The following MYO3B variants were observed in gnomAD, a reference collection of about 807,000 sequenced individuals.
MYO3B encodes myosin-IIIb.
A neutral mutation model predicts 174.6 loss-of-function variants in MYO3B; 156 were observed. That is an observed-to-expected ratio of 0.89 (90% CI 0.78 to 1.02). MYO3B has a LOEUF of 1.02. MYO3B is among the 50% of genes least tolerant of loss of function. MYO3B has a pLI of 0.00. For synonymous variants in MYO3B, 563 were observed against 569.1 expected, an observed-to-expected ratio of 0.99 and a Z score of 0.15; for missense variants, 1,632 against 1,639.4, an observed-to-expected ratio of 1.00 and a Z score of 0.08.
intron 25 of MYO3B, among the ~76,000 whole-genome samples, chr2:170,484,486 T>A (rs1171985869): frequency 6.6e-6 from 1 of 152,220 alleles, no homozygotes; most frequent in Non-Finnish European, 1.5e-5. Flanking sequence ...CAATTTCCAA[T>A]TCCCAGTGTC....
chr2:170,331,597 A>G (rs1361884341), intron 7 of MYO3B, among the ~76,000 whole-genome samples: 3 of 152,118 alleles, frequency 2.0e-5, no homozygotes, highest in Non-Finnish European at 2.9e-5. Flanking sequence ...TTGTTATCTT[A>G]TGGTTCTTTA....
intron 32 of MYO3B, among the ~76,000 whole-genome samples, chr2:170,573,898 G>A (rs1249197951): frequency 6.6e-6 from 1 of 152,140 alleles, no homozygotes. Flanking sequence ...TAAGTTTGAA[G>A]TTCCTTTAAA....
In MYO3B at chr2:170,316,733, C is replaced by T. The variant is rs188161834; in HGVS notation, c.750-18652C>T. On this transcript the variant is annotated intron_variant, in intron 7 of 34. Coordinates refer to ENST00000408978, the MANE Select transcript of MYO3B (RefSeq NM_138995.5). Reference sequence around the variant, plus strand: ...AAAATCACAGTATCTATAACTCAGTCGATAGTTATGGTCACATTCTAATTC... The same window carrying T: ...AAAATCACAGTATCTATAACTCAGTTGATAGTTATGGTCACATTCTAATTC... Among the ~76,000 whole-genome samples, 26 of 152,294 alleles carry T rather than the reference C, an allele frequency of 1.7e-4. No individual in the cohort carries two copies. The East Asian group carries it at 4.4e-3, about 26-fold the overall frequency.
At chr2:170,292,669 C>G (rs773259971) in intron 7 of MYO3B, among the ~76,000 whole-genome samples, 1 of 152,150 alleles carries the variant, frequency 6.6e-6, no homozygotes, top group Non-Finnish European at 1.5e-5. Context: ...TGAGCCCTGC[C>G]TGTTTCAAAT....
chr2:170,376,603 C>CTG (rs1250758680), intron 9 of MYO3B, among the ~76,000 whole-genome samples: 3 of 124,886 alleles, frequency 2.4e-5, no homozygotes, highest in African/African-American at 3.6e-5. Context: ...TTCCCTCTCT[C>CTG]TATTTTTTTT....
chr2:170,444,856 A>C (rs530198401), intron 23 of MYO3B, among the ~76,000 whole-genome samples: 1 of 152,324 alleles, frequency 6.6e-6, no homozygotes, highest in Non-Finnish European at 1.5e-5. Flanking sequence ...CTTCACGGCA[A>C]AACATTAGTA....
At chr2:170,435,802 AC>A (rs1159828479) in intron 22 of MYO3B, among the ~76,000 whole-genome samples, 1 of 152,178 alleles carries the variant, frequency 6.6e-6, no homozygotes, top group East Asian at 1.9e-4. Context: ...ACCAACAATC[AC>A]CACTGGAACC....
intron 22 of MYO3B, among the ~76,000 whole-genome samples, chr2:170,423,216 C>T (rs2094631991): frequency 6.6e-6 from 1 of 152,034 alleles, no homozygotes; most frequent in Non-Finnish European, 1.5e-5. Flanking sequence ...CTCCAGACCT[C>T]AGGTGATCCA....
At chr2:170,349,590 G>A (rs4667634) in intron 8 of MYO3B, 76,271 of 151,642 alleles carry the variant, frequency 0.5, 21,060 homozygotes, top group East Asian at 0.66. Flanking sequence ...CTTGAGGTCA[G>A]GAGTTTGAGA....
At chr2:170,531,902 ATAAT>A (rs1190552546) in intron 30 of MYO3B, among the ~76,000 whole-genome samples, 1 of 152,264 alleles carries the variant, frequency 6.6e-6, no homozygotes, top group Non-Finnish European at 1.5e-5. Context: ...AACTGCAAAA[ATAAT>A]TGTTTCAGGC....
At chr2:170,285,328 T>G (rs1230577029) in intron 7 of MYO3B, among the ~76,000 whole-genome samples, 1 of 151,956 alleles carries the variant, frequency 6.6e-6, no homozygotes, top group Non-Finnish European at 1.5e-5. Context: ...GATACTAACA[T>G]TTTATATTTT....
chr2:170,378,251 C>T lies in MYO3B; in HGVS notation c.972-3765C>T, dbSNP rs180828706. ...ACGATAGACCCTCCAAACCCCATAG[C>T]CAGAGGAGGAAAGTTAAGCGGGCAG... is the stretch of plus-strand genomic sequence containing the variant. On this transcript the variant is annotated intron_variant, in intron 9 of 34. Coordinates refer to ENST00000408978, the MANE Select transcript of MYO3B (RefSeq NM_138995.5). 3.1e-3 allele frequency among the ~76,000 whole-genome samples: 473 copies of T among 152,178 alleles called. 4 individuals carry two copies. Among genetic ancestry groups the T allele is most frequent in the Middle Eastern group, 0.014 (4 of 294 alleles).
At chr2:170,214,559 A>T in intron 4 of MYO3B, 76 bp downstream of exon 4, 2 of 1,448,482 alleles carry the variant, frequency 1.4e-6, no homozygotes, top group Non-Finnish European at 1.9e-6. Flanking sequence ...ATTGCATATT[A>T]ACAATGGGGA....
At chr2:170,478,524 C>T (rs1421115816) in intron 25 of MYO3B, among the ~76,000 whole-genome samples, 1 of 11,182 alleles carries the variant, frequency 8.9e-5, no homozygotes, top group Admixed American at 9.7e-4. Flanking sequence ...TGTTATTGTA[C>T]ACACACACAC....
intron 32 of MYO3B, among the ~76,000 whole-genome samples, chr2:170,580,687 T>A (rs1278193436): frequency 6.7e-6 from 1 of 150,160 alleles, no homozygotes; most frequent in African/African-American, 2.5e-5. Context: ...CCTCAAATTG[T>A]ATAAGCTTCA....
intron 9 of MYO3B, among the ~76,000 whole-genome samples, chr2:170,372,143 A>AC (rs931199866): frequency 8.0e-5 from 11 of 136,978 alleles, no homozygotes; most frequent in Admixed American, 6.2e-4. Context: ...AAAAAAAAAA[A>AC]AACAACAACA....
At chr2:170,184,145 A>G (rs538918711) in intron 1 of MYO3B, among the ~76,000 whole-genome samples, 1 of 152,288 alleles carries the variant, frequency 6.6e-6, no homozygotes, top group South Asian at 2.1e-4. Context: ...CATAAGAATC[A>G]CATCAGGTTA....
intron 7 of MYO3B, among the ~76,000 whole-genome samples, chr2:170,284,602 A>G (rs1417058517): frequency 6.6e-6 from 1 of 152,160 alleles, no homozygotes; most frequent in Non-Finnish European, 1.5e-5. Context: ...AAAAGAATGT[A>G]TTTCCTGAGG....
intron 30 of MYO3B, chr2:170,524,489 G>C: frequency 2.2e-6 from 1 of 448,732 alleles, no homozygotes; most frequent in Non-Finnish European, 4.4e-6. Context: ...AAGTGGTTTT[G>C]TTTTTGTTTT....
Sources: gnomAD v4.1 joint callset for allele counts (sites outside exome capture counted in the v4.1 genomes callset) on GRCh38, gnomAD v4.1.1 for gene constraint, MANE v1.5 for transcripts, NCBI Gene and HGNC (gene_info 2026-07-23, HGNC 2026-07-21) for gene names.